Variants in NXPE4 observed in about 807,000 individuals in gnomAD.
NXPE4 encodes NXPE family member 4.
In NXPE4, 42 loss-of-function variants were observed where a neutral mutation model predicts 33.3. The ratio of observed to expected loss-of-function variants is 1.26; its 90% confidence interval spans 0.98 to 1.63. The LOEUF is 1.63. NXPE4 is among the 40% of genes most tolerant of loss of function. The pLI, the probability that NXPE4 is intolerant of heterozygous loss-of-function variation, is 0.00. For missense variants in NXPE4, 709 were observed against 647.6 expected, an observed-to-expected ratio of 1.09 and a Z score of -1.03; for synonymous variants, 253 against 234.9, an observed-to-expected ratio of 1.08 and a Z score of -0.71.
intron 2 of NXPE4, among the ~76,000 whole-genome samples, chr11:114,593,869 C>T (rs749738114): frequency 5.9e-5 from 9 of 152,028 alleles, no homozygotes; most frequent in Non-Finnish European, 1.2e-4. Context: ...CTGTCATTTG[C>T]AACAACATGG....
chr11:114,618,283 C>T, the NXPE4 span, among the ~76,000 whole-genome samples: 5 of 151,952 alleles, frequency 3.3e-5, no homozygotes, highest in South Asian at 2.1e-4. Flanking sequence ...TAAGTATTAC[C>T]GCATGGGTAA....
At chr11:114,600,454 A>T (rs1010367353), upstream of NXPE4, among the ~76,000 whole-genome samples, 3 of 152,178 alleles carry the variant, frequency 2.0e-5, no homozygotes, top group African/African-American at 7.2e-5. Context: ...CAAATGCTGT[A>T]CTGAGAAGGG....
intron 5 of NXPE4, among the ~76,000 whole-genome samples, chr11:114,572,241 C>G (rs1036249983): frequency 3.9e-5 from 6 of 152,124 alleles, no homozygotes; most frequent in Non-Finnish European, 5.9e-5. Context: ...CCCAGATCTT[C>G]CCTCTGACAT....
the NXPE4 span, among the ~76,000 whole-genome samples, chr11:114,658,376 TA>T: frequency 6.6e-6 from 1 of 152,194 alleles, no homozygotes; most frequent in Non-Finnish European, 1.5e-5. Flanking sequence ...AGCACAGACG[TA>T]AAGAGACTTT....
chr11:114,618,852 A>G, the NXPE4 span, among the ~76,000 whole-genome samples: 78,461 of 151,014 alleles, frequency 0.52, 21,152 homozygotes, highest in African/African-American at 0.65. Flanking sequence ...ATTGGTACCC[A>G]GTGGATCCTA....
chr11:114,620,226 T>C, the NXPE4 span, among the ~76,000 whole-genome samples: 2 of 152,066 alleles, frequency 1.3e-5, no homozygotes, highest in African/African-American at 2.4e-5. Flanking sequence ...GGGTAACCAC[T>C]GTTATCCGTT....
the NXPE4 span, among the ~76,000 whole-genome samples, chr11:114,624,704 C>T: frequency 6.6e-6 from 1 of 152,230 alleles, no homozygotes; most frequent in African/African-American, 2.4e-5. Flanking sequence ...CTAGGGTAAC[C>T]ACTGTCTCCT....
chr11:114,674,554 G>A, the NXPE4 span, among the ~76,000 whole-genome samples: 1 of 150,768 alleles, frequency 6.6e-6, no homozygotes, highest in Non-Finnish European at 1.5e-5. Context: ...GAAAGATAAG[G>A]AGGAATCAAA....
chr11:114,665,769 A>G, the NXPE4 span, among the ~76,000 whole-genome samples: 4 of 152,158 alleles, frequency 2.6e-5, no homozygotes, highest in Non-Finnish European at 5.9e-5. Flanking sequence ...AAGGGCTAAG[A>G]CTGTGCAGGT....
intron 4 of NXPE4, 137 bp downstream of exon 4, chr11:114,581,588 T>C: frequency 1.5e-6 from 1 of 680,830 alleles, no homozygotes. Context: ...AGGTAACTGG[T>C]GTCTTGGCCA....
the NXPE4 span, among the ~76,000 whole-genome samples, chr11:114,638,127 A>T: frequency 1.3e-5 from 2 of 150,402 alleles, no homozygotes; most frequent in African/African-American, 4.9e-5. Flanking sequence ...TGGTCTTGTC[A>T]CATAGTCCCA....
intron 5 of NXPE4, among the ~76,000 whole-genome samples, chr11:114,577,049 ATATATATACATATATATATATAAAGT>A (rs1261735890): frequency 4.4e-4 from 22 of 49,856 alleles, no homozygotes; most frequent in African/African-American, 1.4e-3. Flanking sequence ...ATAAAGTTAT[ATATATATACATATATATATATAAAGT>A]TATATATATA....
the NXPE4 span, among the ~76,000 whole-genome samples, chr11:114,634,292 C>T: frequency 1.3e-5 from 2 of 151,898 alleles, no homozygotes; most frequent in African/African-American, 4.8e-5. Flanking sequence ...TGTCCTTTGC[C>T]CACTTTTTGA....
chr11:114,611,477 A>G, the NXPE4 span, among the ~76,000 whole-genome samples: 3 of 151,912 alleles, frequency 2.0e-5, no homozygotes, highest in African/African-American at 7.2e-5. Flanking sequence ...GTGGGTAACC[A>G]CTGTTACCCT....
Position 114,571,296 on chromosome 11 carries a change from TCTC to T in NXPE4, c.1274_1276del (p.Gly425del). The T allele has an allele frequency of 6.2e-7, 1 of 1,614,044 alleles. No individual in the cohort carries two copies. The highest frequency in any genetic ancestry group is 8.5e-7 in the Non-Finnish European group (1 of 1,179,942). ...GGAAATAACAATGACAGTATTTTTTTCTCCTCCAGTTCTGTCAATGGCCCGGGT... is the reference window on the plus strand; with the variant it reads ...GGAAATAACAATGACAGTATTTTTTTCTCCAGTTCTGTCAATGGCCCGGGT... On this transcript the variant is annotated inframe_deletion, in exon 6 of 6. Transcript: ENST00000375478.
chr11:114,575,121 A>G (rs1199361041), intron 5 of NXPE4, among the ~76,000 whole-genome samples: 1 of 152,136 alleles, frequency 6.6e-6, no homozygotes, highest in Non-Finnish European at 1.5e-5. Context: ...ACACAGAAAA[A>G]GCATTTGAGA....
At chr11:114,659,563 A>G in the NXPE4 span, among the ~76,000 whole-genome samples, 1 of 152,186 alleles carries the variant, frequency 6.6e-6, no homozygotes, top group Non-Finnish European at 1.5e-5. Flanking sequence ...GAAACAACAT[A>G]CTTCTACATA....
chr11:114,631,267 C>G, the NXPE4 span, among the ~76,000 whole-genome samples: 1,382 of 151,716 alleles, frequency 9.1e-3, 21 homozygotes, highest in African/African-American at 0.032. Flanking sequence ...AGACTTGGAA[C>G]CAACCAAAAT....
chr11:114,611,049 G>A, the NXPE4 span, among the ~76,000 whole-genome samples: 1 of 151,350 alleles, frequency 6.6e-6, no homozygotes, highest in Non-Finnish European at 1.5e-5. Context: ...GATTATAAGT[G>A]TTGCGTCATG....
Sources: allele counts gnomAD v4.1 joint callset (sites outside exome capture counted in the v4.1 genomes callset), GRCh38; gene constraint gnomAD v4.1.1; transcripts MANE v1.5; gene names NCBI Gene and HGNC (gene_info 2026-07-23, HGNC 2026-07-21).